BCKDHB: variants seen among roughly 807,000 people sequenced by gnomAD.
BCKDHB encodes the protein 2-oxoisovalerate dehydrogenase subunit beta, mitochondrial.
BCKDHB carries 41 observed loss-of-function variants against 48.5 expected under a neutral mutation model. That is an observed-to-expected ratio of 0.85 (90% CI 0.66 to 1.10). BCKDHB has a LOEUF of 1.10. Ranked by LOEUF, BCKDHB falls within the 50% of genes least tolerant of loss-of-function variation. BCKDHB has a pLI of 0.00. For synonymous variants in BCKDHB, 201 were observed against 174.8 expected, an observed-to-expected ratio of 1.15 and a Z score of -1.18; for missense variants, 496 against 494.2, an observed-to-expected ratio of 1.00 and a Z score of -0.03.
At chr6:80,389,596 C>A in the BCKDHB span, among the ~76,000 whole-genome samples, 1 of 152,200 alleles carries the variant, frequency 6.6e-6, no homozygotes, top group Admixed American at 6.5e-5. Flanking sequence ...ACAGCATTGC[C>A]TTTGACCAAG....
At chr6:80,331,533 T>C (rs1405780719) in intron 9 of BCKDHB, among the ~76,000 whole-genome samples, 1 of 152,184 alleles carries the variant, frequency 6.6e-6, no homozygotes, top group Non-Finnish European at 1.5e-5. Flanking sequence ...AGAGTTTCAG[T>C]ATATATTCTT....
intron 8 of BCKDHB, among the ~76,000 whole-genome samples, chr6:80,259,466 T>C (rs1264318654): frequency 6.6e-6 from 1 of 152,218 alleles, no homozygotes; most frequent in Middle Eastern, 3.2e-3. Context: ...TTTGAGGCTA[T>C]GGTTTAAAAT....
intron 1 of BCKDHB, among the ~76,000 whole-genome samples, chr6:80,113,853 A>G (rs1255923257): frequency 3.3e-5 from 5 of 152,220 alleles, no homozygotes; most frequent in African/African-American, 4.8e-5. Flanking sequence ...TCCGCAACCA[A>G]TCAGAAGCTG....
At chr6:80,294,933 G>T (rs895517727) in intron 9 of BCKDHB, among the ~76,000 whole-genome samples, 2 of 152,010 alleles carry the variant, frequency 1.3e-5, no homozygotes, top group African/African-American at 4.8e-5. Flanking sequence ...TGTGATCTTT[G>T]TTCTGCTTTT....
downstream of BCKDHB, among the ~76,000 whole-genome samples, chr6:80,349,693 C>G (rs77683969): frequency 6.6e-6 from 1 of 151,814 alleles, no homozygotes; most frequent in Admixed American, 6.6e-5. Flanking sequence ...AATATGCATT[C>G]GAAATTGACA....
chr6:80,153,859 C>T (rs757025186), intron 3 of BCKDHB, among the ~76,000 whole-genome samples: 6 of 152,160 alleles, frequency 3.9e-5, no homozygotes, highest in Non-Finnish European at 7.3e-5. Flanking sequence ...AGATTTAAAC[C>T]CATGTATCGT....
chr6:80,165,716 G>A (rs997963276), intron 3 of BCKDHB, among the ~76,000 whole-genome samples: 2 of 152,182 alleles, frequency 1.3e-5, no homozygotes, highest in South Asian at 2.1e-4. Flanking sequence ...CTAGTGGTTC[G>A]AATGGATCGT....
chr6:80,367,303 C>T, the BCKDHB span, among the ~76,000 whole-genome samples: 3 of 151,604 alleles, frequency 2.0e-5, no homozygotes, highest in Admixed American at 6.6e-5. Flanking sequence ...TAAATTTTAC[C>T]ACTTTTCTTC....
the BCKDHB span, among the ~76,000 whole-genome samples, chr6:80,378,067 T>C: frequency 4.6e-5 from 7 of 152,224 alleles, no homozygotes; most frequent in African/African-American, 1.7e-4. Flanking sequence ...AATTTTTTCT[T>C]TTTGATACTG....
intron 2 of BCKDHB, among the ~76,000 whole-genome samples, 187 bp from the exon 3 acceptor site, chr6:80,128,974 C>G (rs1419412972): frequency 6.6e-6 from 1 of 150,924 alleles, no homozygotes; most frequent in African/African-American, 2.4e-5. Flanking sequence ...CAGGACAGAC[C>G]CTCACAACAA....
chr6:80,143,907 C>T (rs1771341140), intron 3 of BCKDHB, among the ~76,000 whole-genome samples: 1 of 152,122 alleles, frequency 6.6e-6, no homozygotes, highest in South Asian at 2.1e-4. Flanking sequence ...AATTTCTTCT[C>T]CGTTTCTGGG....
At chr6:80,194,556 G>A (rs1774049004) in intron 6 of BCKDHB, among the ~76,000 whole-genome samples, 1 of 152,018 alleles carries the variant, frequency 6.6e-6, no homozygotes, top group African/African-American at 2.4e-5. Flanking sequence ...GTCTGTCATG[G>A]TCGCCACATT....
At chr6:80,429,389 GT>G in the BCKDHB span, among the ~76,000 whole-genome samples, 4 of 152,226 alleles carry the variant, frequency 2.6e-5, no homozygotes, top group South Asian at 2.1e-4. Flanking sequence ...ATTTATAATA[GT>G]TTTTTCCAAT....
chr6:80,423,870 C>T, the BCKDHB span, among the ~76,000 whole-genome samples: 6 of 152,192 alleles, frequency 3.9e-5, no homozygotes, highest in African/African-American at 1.4e-4. Flanking sequence ...TGATTTCATG[C>T]CTGATTGTTT....
At chr6:80,234,046 A>C (rs978365685) in intron 8 of BCKDHB, among the ~76,000 whole-genome samples, 1 of 152,108 alleles carries the variant, frequency 6.6e-6, no homozygotes, top group Non-Finnish European at 1.5e-5. Context: ...GATCCCTCGC[A>C]TGCACAGTTC....
At chr6:80,399,396 G>T in the BCKDHB span, among the ~76,000 whole-genome samples, 5 of 152,080 alleles carry the variant, frequency 3.3e-5, no homozygotes, top group Non-Finnish European at 5.9e-5. Context: ...AAAAACTTCA[G>T]CAGTTTCAGG....
chr6:80,372,528 G>A, the BCKDHB span, among the ~76,000 whole-genome samples: 2 of 152,046 alleles, frequency 1.3e-5, no homozygotes, highest in Admixed American at 6.5e-5. Context: ...TCTTGTTCTA[G>A]TTCTCAGGGG....
In BCKDHB at chr6:80,199,544, CG is replaced by C. The variant is rs536749717; in HGVS notation, c.743-1384del. Among the ~76,000 whole-genome samples the C allele has an allele frequency of 2.6e-4, 40 of 151,054 alleles. 1 individual carries two copies. The South Asian group carries it at 8.0e-3, about 30-fold the overall frequency. The stretch of plus-strand genomic sequence containing the variant: ...TGTAATCCCAGCACTTTGGGAGCCT[CG>C]GGGGGCAGATCACCTGAGGTTAGGA... On this transcript the variant is annotated intron_variant, in intron 6 of 9. Coordinates refer to ENST00000320393, the MANE Select transcript of BCKDHB (RefSeq NM_183050.4).
chr6:80,385,783 T>G, the BCKDHB span, among the ~76,000 whole-genome samples: 1 of 151,934 alleles, frequency 6.6e-6, no homozygotes, highest in Non-Finnish European at 1.5e-5. Flanking sequence ...AAGAACCGAG[T>G]TTTCGAATTT....
Sources: gnomAD v4.1 joint callset for allele counts (sites outside exome capture counted in the v4.1 genomes callset) on GRCh38, gnomAD v4.1.1 for gene constraint, MANE v1.5 for transcripts, NCBI Gene and HGNC (gene_info 2026-07-23, HGNC 2026-07-21) for gene names.